BMPR1B: variants seen among roughly 807,000 people sequenced by gnomAD.
The protein encoded by BMPR1B is bone morphogenetic protein receptor type-1B.
A neutral mutation model predicts 59.1 loss-of-function variants in BMPR1B; 12 were observed. The ratio of observed to expected loss-of-function variants is 0.20; its 90% confidence interval spans 0.13 to 0.33. BMPR1B has a LOEUF of 0.33. BMPR1B is among the 10% of genes least tolerant of loss of function. The pLI, the probability that BMPR1B is intolerant of heterozygous loss-of-function variation, is 1.00. For missense variants in BMPR1B, 550 were observed against 610.9 expected (o/e 0.90, Z 1.05); for synonymous variants, 237 against 207.3 (o/e 1.14, Z -1.23).
intron 3 of BMPR1B, among the ~76,000 whole-genome samples, chr4:95,055,043 G>T (rs1052219099): frequency 2.0e-5 from 3 of 152,054 alleles, no homozygotes; most frequent in African/African-American, 7.2e-5. Flanking sequence ...CATCAATAAA[G>T]ATACTTACAG....
intron 2 of BMPR1B, among the ~76,000 whole-genome samples, chr4:94,898,152 A>G (rs905744414): frequency 2.6e-5 from 4 of 151,574 alleles, no homozygotes; most frequent in Admixed American, 6.6e-5. Context: ...GAGTCTCACT[A>G]TGTTACCCAG....
At chr4:95,088,899 A>G (rs1048926005) in intron 3 of BMPR1B, among the ~76,000 whole-genome samples, 1 of 152,156 alleles carries the variant, frequency 6.6e-6, no homozygotes, top group African/African-American at 2.4e-5. Flanking sequence ...GTTTTTACAT[A>G]GAAGATAGAG....
At chr4:94,831,207 C>T (rs1460950609) in intron 1 of BMPR1B, among the ~76,000 whole-genome samples, 3 of 107,566 alleles carry the variant, frequency 2.8e-5, no homozygotes, top group African/African-American at 7.4e-5. Flanking sequence ...TGTGTGTCCT[C>T]GTTTTTAACA....
At chr4:94,841,762 T>A (rs1202806728) in intron 1 of BMPR1B, among the ~76,000 whole-genome samples, 1 of 152,184 alleles carries the variant, frequency 6.6e-6, no homozygotes, top group African/African-American at 2.4e-5. Flanking sequence ...GCTGTTCCTA[T>A]TCGGCCATCT....
At chr4:94,775,698 A>G (rs886067827) in intron 1 of BMPR1B, among the ~76,000 whole-genome samples, 5 of 152,246 alleles carry the variant, frequency 3.3e-5, no homozygotes, top group Admixed American at 6.5e-5. Flanking sequence ...ACTATTGCAG[A>G]GCCTTAATTA....
chr4:94,795,182 G>T (rs571828338), intron 1 of BMPR1B, among the ~76,000 whole-genome samples: 2 of 147,946 alleles, frequency 1.4e-5, no homozygotes, highest in Admixed American at 6.8e-5. Flanking sequence ...TTATTATTTT[G>T]AAATATGTCC....
intron 6 of BMPR1B, among the ~76,000 whole-genome samples, 185 bp downstream of exon 6, chr4:95,115,972 T>C (rs929931829): frequency 3.9e-5 from 6 of 152,204 alleles, no homozygotes; most frequent in African/African-American, 1.4e-4. Context: ...AAAACAGTCA[T>C]ATGTGACTTC....
At chr4:95,100,637 CTG>C (rs1454884114) in intron 3 of BMPR1B, among the ~76,000 whole-genome samples, 1 of 152,018 alleles carries the variant, frequency 6.6e-6, no homozygotes, top group East Asian at 1.9e-4. Context: ...TTTCTTTCCT[CTG>C]TTTTCTCAAG....
intron 12 of BMPR1B, among the ~76,000 whole-genome samples, chr4:95,153,514 G>T (rs766054121): frequency 3.9e-5 from 6 of 152,080 alleles, no homozygotes; most frequent in East Asian, 3.8e-4. Flanking sequence ...CACTGCAAAG[G>T]GGGGACAGAG....
intron 3 of BMPR1B, among the ~76,000 whole-genome samples, chr4:95,015,144 C>T (rs1227763706): frequency 6.6e-6 from 1 of 152,164 alleles, no homozygotes; most frequent in Non-Finnish European, 1.5e-5. Context: ...ATTGCTGCCA[C>T]CTCAGCACCC....
chr4:95,135,873 G>A (rs1004172709), intron 10 of BMPR1B, among the ~76,000 whole-genome samples: 1 of 152,080 alleles, frequency 6.6e-6, no homozygotes, highest in Non-Finnish European at 1.5e-5. Flanking sequence ...CTGCTGGATT[G>A]CTTTGGCCAG....
chr4:95,101,419 G>A (rs1182172720), intron 3 of BMPR1B, among the ~76,000 whole-genome samples: 1 of 152,142 alleles, frequency 6.6e-6, no homozygotes, highest in Non-Finnish European at 1.5e-5. Context: ...CTGCTAGCGT[G>A]TAGGGAATAG....
At chr4:95,055,878 A>G (rs1279321317) in intron 3 of BMPR1B, among the ~76,000 whole-genome samples, 5 of 152,222 alleles carry the variant, frequency 3.3e-5, no homozygotes, top group Non-Finnish European at 7.3e-5. Flanking sequence ...ACAGCAAAAT[A>G]ACTCAAATTA....
chr4:94,871,140 G>A (rs757389400), intron 1 of BMPR1B, among the ~76,000 whole-genome samples: 7 of 152,120 alleles, frequency 4.6e-5, no homozygotes, highest in Non-Finnish European at 1.0e-4. Flanking sequence ...CAGCTTGCCC[G>A]ATGTCACACA....
chr4:95,009,124 T>A (rs12500446), intron 3 of BMPR1B, among the ~76,000 whole-genome samples: 7,985 of 152,204 alleles, frequency 0.052, 248 homozygotes, highest in Middle Eastern at 0.075. Flanking sequence ...AATATAAAAG[T>A]CTGAAAATAA....
intron 2 of BMPR1B, among the ~76,000 whole-genome samples, chr4:94,915,996 C>T (rs1161595191): frequency 6.6e-6 from 1 of 152,130 alleles, no homozygotes; most frequent in Non-Finnish European, 1.5e-5. Flanking sequence ...ATGCTTGCTC[C>T]CATTTTGCCT....
At chr4:94,926,890 C>T (rs1202701605) in intron 2 of BMPR1B, among the ~76,000 whole-genome samples, 2 of 152,144 alleles carry the variant, frequency 1.3e-5, no homozygotes, top group Middle Eastern at 3.4e-3. Flanking sequence ...TAAACTGTCT[C>T]ATTTTATTTT....
At chr4:95,117,839 C>A (rs1475328099) in intron 6 of BMPR1B, among the ~76,000 whole-genome samples, 1 of 151,922 alleles carries the variant, frequency 6.6e-6, no homozygotes, top group Non-Finnish European at 1.5e-5. Flanking sequence ...AGATTTCAGT[C>A]CAGTTAGGAG....
At chr4:95,086,334 G>A (rs544305837) in intron 3 of BMPR1B, among the ~76,000 whole-genome samples, 3 of 152,256 alleles carry the variant, frequency 2.0e-5, no homozygotes, top group South Asian at 2.1e-4. Context: ...TGAAAGTACC[G>A]TTGCCATCTT....
Sources: allele counts gnomAD v4.1 joint callset (sites outside exome capture counted in the v4.1 genomes callset), GRCh38; gene constraint gnomAD v4.1.1; transcripts MANE v1.5; gene names NCBI Gene and HGNC (gene_info 2026-07-23, HGNC 2026-07-21).